Variants in NTRK3 observed in about 807,000 individuals in gnomAD.
The protein encoded by NTRK3 is NT-3 growth factor receptor.
NTRK3 carries 24 observed loss-of-function variants against 91.7 expected under a neutral mutation model. The observed-to-expected ratio is 0.26, with a 90% CI of 0.19 to 0.37. NTRK3 has a LOEUF of 0.37. Ranked by LOEUF, NTRK3 falls within the 10% of genes least tolerant of loss-of-function variation. The pLI is 1.00. For missense variants in NTRK3, 880 were observed against 1,068.9 expected (o/e 0.82, Z 2.46); for synonymous variants, 483 against 404.0 (o/e 1.20, Z -2.34).
At chr15:88,195,443 C>A (rs56148113) in intron 3 of NTRK3, among the ~76,000 whole-genome samples, 2 of 152,178 alleles carry the variant, frequency 1.3e-5, no homozygotes, top group Admixed American at 1.3e-4. Context: ...TCCTCAGAAC[C>A]CTGTGACCTC....
At chr15:88,049,647 T>C (rs568882985) in intron 13 of NTRK3, among the ~76,000 whole-genome samples, 2 of 152,306 alleles carry the variant, frequency 1.3e-5, no homozygotes, top group East Asian at 1.9e-4. Flanking sequence ...AACTGCTGAG[T>C]TCCCAAACAC....
intron 14 of NTRK3, among the ~76,000 whole-genome samples, chr15:88,023,509 G>A (rs2077761320): frequency 6.6e-6 from 1 of 152,106 alleles, no homozygotes; most frequent in Non-Finnish European, 1.5e-5. Context: ...TGGTGAAAAA[G>A]GTTAAAGCTA....
chr15:88,119,353 C>A (rs1271565302), intron 13 of NTRK3, among the ~76,000 whole-genome samples: 2 of 152,344 alleles, frequency 1.3e-5, no homozygotes, highest in African/African-American at 4.8e-5. Context: ...ACGCAGAAGA[C>A]CCCTGGCTTC....
At chr15:88,152,030 G>A (rs897047154) in intron 5 of NTRK3, among the ~76,000 whole-genome samples, 6 of 152,156 alleles carry the variant, frequency 3.9e-5, no homozygotes, top group South Asian at 2.1e-4. Context: ...GCCGGGCGCC[G>A]TGGCTCACAC....
At chr15:87,914,324 GCAGATGT>G (rs1181593428) in intron 17 of NTRK3, among the ~76,000 whole-genome samples, 1 of 152,140 alleles carries the variant, frequency 6.6e-6, no homozygotes, top group Non-Finnish European at 1.5e-5. Context: ...GCACTGATAA[GCAGATGT>G]CAGATGTCAG....
chr15:88,104,415 T>C (rs1188133165), intron 13 of NTRK3, among the ~76,000 whole-genome samples: 1 of 152,248 alleles, frequency 6.6e-6, no homozygotes, highest in Non-Finnish European at 1.5e-5. Flanking sequence ...AGCTCATGTC[T>C]TGAAAATGTT....
intron 17 of NTRK3, among the ~76,000 whole-genome samples, chr15:87,925,200 G>A (rs980217443): frequency 3.3e-5 from 5 of 152,136 alleles, no homozygotes; most frequent in Admixed American, 1.3e-4. Context: ...AGAACAAATC[G>A]CTCTGGTGTT....
At chr15:87,865,634 G>A (rs192024899) in exon 19 of NTRK3, 42 of 218,666 alleles carry the variant, frequency 1.9e-4, no homozygotes, top group Admixed American at 2.9e-4. Flanking sequence ...AATTTATAGA[G>A]AAAGTTTCAC....
intron 15 of NTRK3, among the ~76,000 whole-genome samples, chr15:87,933,399 T>C (rs1208182443): frequency 6.6e-6 from 1 of 152,254 alleles, no homozygotes; most frequent in Non-Finnish European, 1.5e-5. Flanking sequence ...ACCCACTTTC[T>C]GACATCCACA....
intron 13 of NTRK3, among the ~76,000 whole-genome samples, chr15:88,065,907 C>G (rs191929382): frequency 6.6e-6 from 1 of 152,046 alleles, no homozygotes; most frequent in East Asian, 1.9e-4. Flanking sequence ...CCTTGTCAAA[C>G]AAAGAAAGAG....
At chr15:88,216,512 G>T (rs550029794) in intron 3 of NTRK3, among the ~76,000 whole-genome samples, 1 of 152,190 alleles carries the variant, frequency 6.6e-6, no homozygotes, top group Non-Finnish European at 1.5e-5. Flanking sequence ...GCAGGGAGGC[G>T]ATTCTGCACG....
At chr15:87,985,528 C>A (rs188704808) in intron 14 of NTRK3, among the ~76,000 whole-genome samples, 2 of 152,148 alleles carry the variant, frequency 1.3e-5, no homozygotes, top group Admixed American at 6.5e-5. Flanking sequence ...AGACCCCCAA[C>A]TTCAGTATGG....
intron 6 of NTRK3, among the ~76,000 whole-genome samples, chr15:88,143,650 G>A (rs1470448414): frequency 1.3e-5 from 2 of 152,068 alleles, no homozygotes; most frequent in African/African-American, 2.4e-5. Context: ...AGCATGATTT[G>A]GGAACAAAAA....
intron 6 of NTRK3, among the ~76,000 whole-genome samples, chr15:88,139,694 G>C (rs2042199858): frequency 6.6e-6 from 1 of 152,156 alleles, no homozygotes; most frequent in Non-Finnish European, 1.5e-5. Context: ...CAAGGAGGGA[G>C]GGGCCCTCTC....
intron 14 of NTRK3, among the ~76,000 whole-genome samples, chr15:87,965,857 C>T (rs1039645993): frequency 2.0e-5 from 3 of 152,102 alleles, no homozygotes; most frequent in African/African-American, 7.2e-5. Context: ...GCAGGTGGAT[C>T]ACTTGAGATC....
In NTRK3 at chr15:88,184,208, T is replaced by G. The variant is rs746721228; in HGVS notation, c.323+17A>C. 2 of 1,613,654 alleles carry G rather than the reference T, an allele frequency of 1.2e-6. No individual in the cohort carries two copies. The highest frequency in any genetic ancestry group is 2.7e-5 in the African/African-American group (2 of 74,920). ...CCTTCCACAGGGAAAGGCCTCTCTG[T>G]GGCCGGGTGTACTCACAGCTTTTGA... On this transcript the variant is annotated intron_variant, in intron 4 of 18. Coordinates refer to ENST00000394480, the Ensembl canonical transcript of NTRK3.
chr15:87,994,135 A>C (rs2075501884), intron 14 of NTRK3, among the ~76,000 whole-genome samples: 1 of 152,110 alleles, frequency 6.6e-6, no homozygotes, highest in Non-Finnish European at 1.5e-5. Flanking sequence ...GGAAAGAGGC[A>C]GTGAGAAAAA....
rs577635176 is a variant in NTRK3, at chr15:88,160,433, G to A, written c.396-13030C>T. Reference sequence around the variant, plus strand: ...CCTAGAGGCTTGGGGCAGAGTCAGCGGCTAGCGTCAAAGGGTTCACTAAGG... The same window carrying A: ...CCTAGAGGCTTGGGGCAGAGTCAGCAGCTAGCGTCAAAGGGTTCACTAAGG... On this transcript the variant is annotated intron_variant, in intron 5 of 18. Coordinates refer to ENST00000394480, the Ensembl canonical transcript of NTRK3. 2.0e-3 allele frequency among the ~76,000 whole-genome samples: 308 copies of A among 152,304 alleles called. 1 individual carries two copies. The highest frequency in any genetic ancestry group is 6.3e-3 in the African/African-American group (261 of 41,576).
chr15:88,115,885 G>A (rs921523154), intron 13 of NTRK3, among the ~76,000 whole-genome samples: 3 of 152,066 alleles, frequency 2.0e-5, no homozygotes, highest in African/African-American at 7.2e-5. Context: ...GACCCACTCC[G>A]AGCCACTCCG....
Sources: allele counts gnomAD v4.1 joint callset (sites outside exome capture counted in the v4.1 genomes callset), GRCh38; gene constraint gnomAD v4.1.1; transcripts MANE v1.5; gene names NCBI Gene and HGNC (gene_info 2026-07-23, HGNC 2026-07-21).